The following SEM1 variants were observed in gnomAD, a reference collection of about 807,000 sequenced individuals.
The protein encoded by SEM1 is 26S proteasome complex subunit SEM1.
In SEM1, 3 loss-of-function variants were observed where a neutral mutation model predicts 12.7. The observed-to-expected ratio is 0.24, with a 90% CI of 0.11 to 0.61. SEM1 has a LOEUF of 0.61. Among genes scored for constraint, SEM1 ranks in the 20% least tolerant of loss-of-function variants. The pLI is 0.88. For synonymous variants in SEM1, 30 were observed against 27.8 expected (o/e 1.08, Z -0.25); for missense variants, 59 against 81.3 (o/e 0.73, Z 1.06).
At chr7:96,541,450 T>TG (rs1006749386) in intron 2 of SEM1, among the ~76,000 whole-genome samples, 5 of 148,856 alleles carry the variant, frequency 3.4e-5, no homozygotes, top group East Asian at 2.0e-4. Flanking sequence ...TTTGTTTTTT[T>TG]TTTTTTTTTG....
downstream of SEM1, among the ~76,000 whole-genome samples, chr7:96,684,681 G>C (rs1237521320): frequency 2.6e-5 from 4 of 152,096 alleles, no homozygotes; most frequent in Admixed American, 1.3e-4. Context: ...TATTTACTGA[G>C]GTGGGGAAGA....
At chr7:96,702,981 G>C (rs1029360783) in intron 1 of SEM1, among the ~76,000 whole-genome samples, 14 of 152,152 alleles carry the variant, frequency 9.2e-5, no homozygotes, top group African/African-American at 3.4e-4. Context: ...GACTAAGGAA[G>C]ACTAAAGAGA....
rs961509812 is a variant in SEM1 at position 96,555,947 on chromosome 7, G to A, written c.171-49249C>T. 1.4e-4 allele frequency among the ~76,000 whole-genome samples: 20 copies of A among 143,624 alleles called. 1 individual carries two copies. The highest frequency in any genetic ancestry group is 5.1e-4 in the African/African-American group (20 of 39,442). 94.2% of individuals were successfully genotyped at this position (143,624 alleles called of 152,430 possible). A position where few individuals can be genotyped will look rare whatever the true frequency, so the allele number is the denominator to read the frequency against. ...TTGATCCCTTTACCATTATGTAATGGCCTTCTTTGTCTTTTTTGATCTTTG... is the reference window on the plus strand; with the variant it reads ...TTGATCCCTTTACCATTATGTAATGACCTTCTTTGTCTTTTTTGATCTTTG... On this transcript the variant is annotated intron_variant and NMD_transcript_variant, in intron 2 of 3. Transcript: ENST00000466986.
intron 2 of SEM1, chr7:96,486,134 C>T (rs1488492328): frequency 1.7e-6 from 2 of 1,203,422 alleles, no homozygotes; most frequent in African/African-American, 3.1e-5. Context: ...TATCTGGTGT[C>T]AAAGACTTAG....
downstream of SEM1, among the ~76,000 whole-genome samples, chr7:96,621,503 C>T (rs576128481): frequency 3.3e-5 from 5 of 152,102 alleles, no homozygotes; most frequent in African/African-American, 9.7e-5. Flanking sequence ...GAGCTTTTCC[C>T]ATTGGTGAGG....
intron 2 of SEM1, among the ~76,000 whole-genome samples, chr7:96,641,236 T>G (rs1016545470): frequency 6.6e-6 from 1 of 151,908 alleles, no homozygotes; most frequent in African/African-American, 2.4e-5. Flanking sequence ...GCTGTATTTA[T>G]TCTCTCTTTT....
intron 2 of SEM1, among the ~76,000 whole-genome samples, chr7:96,587,614 G>T (rs566537724): frequency 9.3e-5 from 14 of 150,808 alleles, no homozygotes; most frequent in Non-Finnish European, 1.8e-4. Flanking sequence ...GAACTTTTTT[G>T]CCTATTTTTT....
intron 2 of SEM1, among the ~76,000 whole-genome samples, chr7:96,536,084 A>G (rs1804777667): frequency 1.3e-5 from 2 of 152,078 alleles, no homozygotes; most frequent in South Asian, 4.2e-4. Flanking sequence ...CCAACAGTGT[A>G]TAAGCATTCC....
intron 2 of SEM1, among the ~76,000 whole-genome samples, chr7:96,555,785 T>C (rs1267566711): frequency 6.8e-6 from 1 of 147,060 alleles, no homozygotes; most frequent in Non-Finnish European, 1.5e-5. Context: ...ATGTTGACAG[T>C]GGGGTGTTAA....
At chr7:96,613,265 A>T (rs1807599464) in intron 2 of SEM1, among the ~76,000 whole-genome samples, 1 of 152,222 alleles carries the variant, frequency 6.6e-6, no homozygotes, top group Non-Finnish European at 1.5e-5. Context: ...AAAAGTTTGC[A>T]CACGTTTTAA....
At chr7:96,498,441 T>G (rs1021334252), upstream of SEM1, among the ~76,000 whole-genome samples, 8 of 152,132 alleles carry the variant, frequency 5.3e-5, no homozygotes, top group Non-Finnish European at 8.8e-5. Flanking sequence ...AGAGATCAGA[T>G]AGGTTTTTCT....
At chr7:96,705,787 T>C (rs912996934) in intron 1 of SEM1, among the ~76,000 whole-genome samples, 1 of 150,390 alleles carries the variant, frequency 6.6e-6, no homozygotes, top group Non-Finnish European at 1.5e-5. Context: ...GCCACTGCAC[T>C]CCAGCCTGGG....
chr7:96,526,735 C>T (rs2115682627), intron 2 of SEM1, among the ~76,000 whole-genome samples: 1 of 152,202 alleles, frequency 6.6e-6, no homozygotes. Flanking sequence ...CCTCCCCTCT[C>T]CTTTCTCCTT....
chr7:96,520,147 C>A (rs1007604763), intron 2 of SEM1, among the ~76,000 whole-genome samples: 18 of 152,136 alleles, frequency 1.2e-4, no homozygotes, highest in African/African-American at 4.3e-4. Context: ...TACATACATA[C>A]AGATGAAGAT....
chr7:96,503,776 C>T (rs893267109), intron 3 of SEM1, among the ~76,000 whole-genome samples: 4 of 152,074 alleles, frequency 2.6e-5, no homozygotes, highest in East Asian at 1.9e-4. Context: ...GGATTGCTGC[C>T]GTTACAGCTG....
intron 2 of SEM1, among the ~76,000 whole-genome samples, chr7:96,679,959 A>C (rs1789557065): frequency 6.6e-6 from 1 of 152,132 alleles, no homozygotes; most frequent in African/African-American, 2.4e-5. Flanking sequence ...TTCAGCTGCC[A>C]GCGACTGTAA....
At chr7:96,569,176 A>G (rs1024002505) in intron 2 of SEM1, among the ~76,000 whole-genome samples, 3 of 152,008 alleles carry the variant, frequency 2.0e-5, no homozygotes, top group Non-Finnish European at 4.4e-5. Flanking sequence ...TGATGATATT[A>G]AGGTGGTGGT....
intron 2 of SEM1, among the ~76,000 whole-genome samples, chr7:96,567,878 T>G (rs987309544): frequency 1.5e-4 from 23 of 151,338 alleles, no homozygotes; most frequent in Admixed American, 6.6e-5. Context: ...GCTAATATAT[T>G]ATTTTGGATC....
chr7:96,649,810 T>C (rs991029043), intron 2 of SEM1: 1 of 152,158 alleles, frequency 6.6e-6, no homozygotes, highest in African/African-American at 2.4e-5. Context: ...GTAATAAATA[T>C]TATTATTTCC....
Sources: allele counts gnomAD v4.1 joint callset (sites outside exome capture counted in the v4.1 genomes callset), GRCh38; gene constraint gnomAD v4.1.1; transcripts MANE v1.5; gene names NCBI Gene and HGNC (gene_info 2026-07-23, HGNC 2026-07-21).